The following MICAL2 variants were observed in gnomAD, a reference collection of about 807,000 sequenced individuals.
The protein encoded by MICAL2 is [F-actin]-monooxygenase MICAL2.
Under a neutral mutation model 127.3 loss-of-function variants are expected in MICAL2, and 77 were observed. That is an observed-to-expected ratio of 0.60 (90% CI 0.50 to 0.73). The LOEUF (loss-of-function observed/expected upper bound fraction) is 0.73, where lower values mean the gene tolerates loss of function less well. Ranked by LOEUF, MICAL2 falls within the 30% of genes least tolerant of loss-of-function variation. The pLI is 0.00. For missense variants in MICAL2, 1,351 were observed against 1,434.4 expected, an observed-to-expected ratio of 0.94 and a Z score of 0.94; for synonymous variants, 570 against 551.1, an observed-to-expected ratio of 1.03 and a Z score of -0.48.
At chr11:12,208,415 T>C (rs2063410610) in intron 5 of MICAL2, 1 of 339,004 alleles carries the variant, frequency 2.9e-6, no homozygotes, top group Non-Finnish European at 5.5e-6. Flanking sequence ...ATCTAATCAA[T>C]AAATAGGACA....
chr11:12,180,936 T>C (rs1001544867), intron 3 of MICAL2, among the ~76,000 whole-genome samples: 2 of 146,176 alleles, frequency 1.4e-5, no homozygotes, highest in South Asian at 4.4e-4. Flanking sequence ...TTTTTTTTTT[T>C]TTTTTTTTTG....
At chr11:12,212,524 A>C (rs139182234) in intron 6 of MICAL2, among the ~76,000 whole-genome samples, 400 of 152,324 alleles carry the variant, frequency 2.6e-3, no homozygotes, top group Non-Finnish European at 4.5e-3. Context: ...CTAGAATTCC[A>C]TTTATTCATT....
intron 29 of MICAL2, among the ~76,000 whole-genome samples, chr11:12,309,195 TTCTTC>T (rs969408035): frequency 1.3e-4 from 20 of 152,192 alleles, no homozygotes; most frequent in Non-Finnish European, 2.4e-4. Flanking sequence ...AAACTTACAA[TTCTTC>T]TCTTCTAGCT....
intron 2 of MICAL2, among the ~76,000 whole-genome samples, chr11:12,149,578 G>T (rs1181486360): frequency 6.6e-6 from 1 of 152,194 alleles, no homozygotes; most frequent in Non-Finnish European, 1.5e-5. Flanking sequence ...GGCTGCTGAA[G>T]AGGCAGGACT....
At chr11:12,291,136 C>T (rs1344643837), downstream of MICAL2, among the ~76,000 whole-genome samples, 1 of 152,090 alleles carries the variant, frequency 6.6e-6, no homozygotes, top group African/African-American at 2.4e-5. Context: ...GGGGGACATC[C>T]CTACGTGCCA....
chr11:12,121,839 C>G (rs1356207584), intron 1 of MICAL2, among the ~76,000 whole-genome samples: 1 of 152,180 alleles, frequency 6.6e-6, no homozygotes, highest in Non-Finnish European at 1.5e-5. Flanking sequence ...CTCAGGGACA[C>G]TTTTGCTTTA....
chr11:12,287,653 A>G (rs4757338), downstream of MICAL2, among the ~76,000 whole-genome samples: 130,251 of 152,204 alleles, frequency 0.86, 56,268 homozygotes, highest in East Asian at 0.94. Context: ...ATACACACAC[A>G]TACACACCTG....
In MICAL2 at chr11:12,256,771, C is replaced by T. The variant is rs1862383412; in HGVS notation, c.2956-14C>T. The T allele has an allele frequency of 1.9e-6, 3 of 1,599,580 alleles. No individual in the cohort carries two copies. The highest frequency in any genetic ancestry group is 2.6e-6 in the Non-Finnish European group (3 of 1,171,614). On this transcript the variant is annotated splice_polypyrimidine_tract_variant and intron_variant, in intron 23 of 27. Transcript: ENST00000683283. ...TAAGCCATAATACACCCACTCTTCT[C>T]TCCCGATCCCCAGGAATCTATGCGA...
chr11:12,335,863 A>C (rs1483588635), intron 32 of MICAL2, among the ~76,000 whole-genome samples: 1 of 152,136 alleles, frequency 6.6e-6, no homozygotes, highest in African/African-American at 2.4e-5. Flanking sequence ...GTAGCCTTGT[A>C]GTATAGTTTG....
intron 1 of MICAL2, among the ~76,000 whole-genome samples, chr11:12,122,743 T>C (rs191391836): frequency 9.9e-4 from 151 of 152,266 alleles, no homozygotes; most frequent in Non-Finnish European, 1.3e-3. Context: ...AATGGCTCAG[T>C]CAAAGCACCT....
chr11:12,348,070 C>T (rs1430403208), intron 32 of MICAL2, among the ~76,000 whole-genome samples: 1 of 143,574 alleles, frequency 7.0e-6, no homozygotes, highest in Non-Finnish European at 1.5e-5. Context: ...AGGAGAATCA[C>T]TTGAACCTGA....
At chr11:12,239,795 T>C (rs527297210) in intron 17 of MICAL2, among the ~76,000 whole-genome samples, 1 of 152,360 alleles carries the variant, frequency 6.6e-6, no homozygotes, top group East Asian at 1.9e-4. Context: ...CTGTTACAAC[T>C]CTGCCATTGT....
chr11:12,137,585 T>TAG (rs762225966), intron 1 of MICAL2, among the ~76,000 whole-genome samples: 23 of 151,540 alleles, frequency 1.5e-4, no homozygotes, highest in African/African-American at 2.9e-4. Context: ...CTTTGTGTGC[T>TAG]AGAGAGAGAG....
At chr11:12,249,313 A>C in intron 22 of MICAL2, 67 bp downstream of exon 22, 1 of 922,910 alleles carries the variant, frequency 1.1e-6, no homozygotes, top group South Asian at 1.4e-5. Flanking sequence ...ACCCACCTGC[A>C]GGGCTCTGGG....
chr11:12,345,131 AAAAG>A (rs1294758526), intron 32 of MICAL2, among the ~76,000 whole-genome samples: 37 of 151,104 alleles, frequency 2.4e-4, no homozygotes, highest in Admixed American at 2.6e-4. Flanking sequence ...AAAAAAAGAA[AAAAG>A]AAAGAAAGAA....
intron 32 of MICAL2, among the ~76,000 whole-genome samples, chr11:12,340,852 C>T (rs1393703669): frequency 1.3e-5 from 2 of 152,090 alleles, no homozygotes; most frequent in African/African-American, 4.8e-5. Flanking sequence ...AAAGAATATA[C>T]AGATTAAAAC....
chr11:12,321,396 A>T (rs1025868519), intron 30 of MICAL2, among the ~76,000 whole-genome samples: 2 of 152,092 alleles, frequency 1.3e-5, no homozygotes, highest in African/African-American at 2.4e-5. Flanking sequence ...TGACAGCTCA[A>T]ATGAACCTTT....
At chr11:12,359,309 C>T (rs1939175543), downstream of MICAL2, among the ~76,000 whole-genome samples, 1 of 142,588 alleles carries the variant, frequency 7.0e-6, no homozygotes, top group Non-Finnish European at 1.5e-5. Flanking sequence ...TTTTAAAGTA[C>T]TTTTTAAATA....
At chr11:12,356,791 C>T (rs1425088247) in intron 34 of MICAL2, among the ~76,000 whole-genome samples, 2 of 152,230 alleles carry the variant, frequency 1.3e-5, no homozygotes, top group Admixed American at 6.5e-5. Flanking sequence ...TTCTAGGCTC[C>T]GCCCATGCCG....
Sources: allele counts gnomAD v4.1 joint callset (sites outside exome capture counted in the v4.1 genomes callset), GRCh38; gene constraint gnomAD v4.1.1; transcripts MANE v1.5; gene names NCBI Gene and HGNC (gene_info 2026-07-23, HGNC 2026-07-21).